The following SIAH3 variants were observed in gnomAD, a reference collection of about 807,000 sequenced individuals.
SIAH3 encodes seven in absentia homolog 3.
SIAH3 carries 9 observed loss-of-function variants against 12.6 expected under a neutral mutation model. That is an observed-to-expected ratio of 0.72 (90% CI 0.43 to 1.25). The LOEUF (loss-of-function observed/expected upper bound fraction) is 1.25. Among genes scored for constraint, SIAH3 ranks in the 50% most tolerant of loss-of-function variants. The pLI is 0.00. For synonymous variants in SIAH3, 154 were observed against 151.1 expected (o/e 1.02, Z -0.14); for missense variants, 390 against 365.4 (o/e 1.07, Z -0.55).
At chr13:45,817,805 C>T (rs1024901425) in intron 1 of SIAH3, among the ~76,000 whole-genome samples, 10 of 152,214 alleles carry the variant, frequency 6.6e-5, no homozygotes, top group African/African-American at 2.2e-4. Context: ...TCCCAAGAGG[C>T]AGGCAACATT....
At chr13:45,787,635 A>C (rs967470214) in intron 1 of SIAH3, among the ~76,000 whole-genome samples, 1 of 152,228 alleles carries the variant, frequency 6.6e-6, no homozygotes, top group Non-Finnish European at 1.5e-5. Flanking sequence ...ATGGATGTTC[A>C]AGAAGTGACA....
At chr13:45,823,995 T>C (rs1950664992) in intron 1 of SIAH3, among the ~76,000 whole-genome samples, 1 of 152,232 alleles carries the variant, frequency 6.6e-6, no homozygotes, top group Non-Finnish European at 1.5e-5. Context: ...TGAGTGATGT[T>C]GAGGTTTGGG....
chr13:45,804,259 T>G (rs1950591593), intron 1 of SIAH3, among the ~76,000 whole-genome samples: 1 of 152,132 alleles, frequency 6.6e-6, no homozygotes, highest in Non-Finnish European at 1.5e-5. Flanking sequence ...ATATTGTTAT[T>G]ACTACATGCT....
intron 1 of SIAH3, among the ~76,000 whole-genome samples, chr13:45,801,666 T>C (rs1302804332): frequency 2.6e-5 from 4 of 152,218 alleles, no homozygotes; most frequent in African/African-American, 9.6e-5. Flanking sequence ...CGTGTTACAT[T>C]ATTCCTATGC....
chr13:45,842,088 G>C (rs562378241), intron 1 of SIAH3, among the ~76,000 whole-genome samples: 1 of 152,130 alleles, frequency 6.6e-6, no homozygotes, highest in Non-Finnish European at 1.5e-5. Flanking sequence ...CATTATTCTG[G>C]CTCTCAGCTT....
chr13:45,801,968 GTGA>G (rs1341337500), intron 1 of SIAH3, among the ~76,000 whole-genome samples: 4 of 152,316 alleles, frequency 2.6e-5, no homozygotes, highest in South Asian at 2.1e-4. Context: ...TTTGGAAACT[GTGA>G]TATTACACAG....
At chr13:45,825,126 A>G (rs1950669469) in intron 1 of SIAH3, among the ~76,000 whole-genome samples, 1 of 152,174 alleles carries the variant, frequency 6.6e-6, no homozygotes, top group Admixed American at 6.5e-5. Flanking sequence ...AAGCTGGGGG[A>G]AATAAATAAG....
intron 1 of SIAH3, among the ~76,000 whole-genome samples, chr13:45,845,845 A>G (rs1950757589): frequency 6.6e-6 from 1 of 152,118 alleles, no homozygotes; most frequent in South Asian, 2.1e-4. Context: ...ATGATGACTT[A>G]GAAGCTCTAA....
Position 45,778,000 on chromosome 13 carries a change from G to A in SIAH3, c.*5383C>T, listed in dbSNP as rs1480688015. On this transcript the variant is annotated 3_prime_UTR_variant, in exon 2 of 2. Transcript: ENST00000400405. ...TTAGAAAGAGTATTGGTCTGGGTAGGCTATGGATTGTGAACAGGGTCCTTA... is the reference window on the plus strand; with the variant it reads ...TTAGAAAGAGTATTGGTCTGGGTAGACTATGGATTGTGAACAGGGTCCTTA... 3 of 152,324 alleles carry A rather than the reference G, an allele frequency of 2.0e-5. No homozygotes were observed. Among genetic ancestry groups the A allele is most frequent in the Non-Finnish European group, 4.4e-5 (3 of 68,038 alleles). The allele number at this position is 152,324 out of a possible 1,614,324, so 9.4% of individuals were successfully genotyped here.
chr13:45,840,256 CA>C lies in SIAH3; in HGVS notation c.135+11238del, dbSNP rs1359442931. ...CTGGGTGACAGAGGGAAACTCTGGC[CA>C]AAAAAAAACCCACGAGAAACCACAA... On this transcript the variant is annotated intron_variant, in intron 1 of 1. Transcript: ENST00000400405. Among the ~76,000 whole-genome samples, 98 of 150,216 alleles carry C rather than the reference CA, an allele frequency of 6.5e-4. 3 individuals carry two copies. The highest frequency in any genetic ancestry group is 3.4e-3 in the Middle Eastern group (1 of 294).
intron 1 of SIAH3, among the ~76,000 whole-genome samples, chr13:45,784,413 T>G (rs1301666154): frequency 1.4e-5 from 2 of 145,272 alleles, no homozygotes; most frequent in Admixed American, 6.7e-5. Flanking sequence ...TTTTTTTTTT[T>G]TTTTTTTTGC....
chr13:45,794,386 C>T (rs769997116), intron 1 of SIAH3, among the ~76,000 whole-genome samples: 2 of 152,100 alleles, frequency 1.3e-5, no homozygotes, highest in Non-Finnish European at 2.9e-5. Flanking sequence ...GTGCTTAGTC[C>T]AGAGCAAGAA....
intron 1 of SIAH3, among the ~76,000 whole-genome samples, chr13:45,805,010 A>ACACAC (rs1555257627): frequency 6.0e-5 from 8 of 133,962 alleles, no homozygotes; most frequent in African/African-American, 1.1e-4. Context: ...ACACACACAC[A>ACACAC]AAATACTTTG....
At chr13:45,828,817 G>A (rs1044383188) in intron 1 of SIAH3, among the ~76,000 whole-genome samples, 2 of 152,202 alleles carry the variant, frequency 1.3e-5, no homozygotes, top group Non-Finnish European at 2.9e-5. Flanking sequence ...GGGGAAACCT[G>A]CTTACCATGC....
chr13:45,828,537 T>C (rs900781271), intron 1 of SIAH3, among the ~76,000 whole-genome samples: 1 of 152,220 alleles, frequency 6.6e-6, no homozygotes, highest in African/African-American at 2.4e-5. Flanking sequence ...TAATTCACTA[T>C]TTTGCGAGAC....
At chr13:45,784,569 G>GGCACCCTTCTCCT (rs1950520530) in intron 1 of SIAH3, among the ~76,000 whole-genome samples, 1 of 151,610 alleles carries the variant, frequency 6.6e-6, no homozygotes, top group Non-Finnish European at 1.5e-5. Flanking sequence ...TCCTGTCTTG[G>GGCACCCTTCTCCT]GCGCCCTTCT....
At position 45,851,523 on chromosome 13, in the gene SIAH3, C is replaced by T; in HGVS notation, c.107G>A (p.Cys36Tyr). 4 of 1,614,156 alleles carry T rather than the reference C, an allele frequency of 2.5e-6. No individual in the cohort carries two copies. The highest frequency in any genetic ancestry group is 3.4e-6 in the Non-Finnish European group (4 of 1,180,040). The change falls in exon 1 of 2, where the codon TGT becomes TAT. Residue 36 changes from cysteine (C) to tyrosine (Y), a missense_variant. Physicochemically the swap from Cys to Tyr is radical, Grantham distance 194. Transcript: ENST00000400405. The part of the protein sequence containing the change: ...RVFSAAGQLV[C>Y]VVNPTHNLKY... ...TAGGTTGTGTGTGGGGTTGACGACA[C>T]AGACAAGTTGCCCGGCAGCGGAGAA...
intron 1 of SIAH3, among the ~76,000 whole-genome samples, chr13:45,840,194 A>G (rs73472593): frequency 0.27 from 40,219 of 151,368 alleles, 7,921 homozygotes; most frequent in East Asian, 0.72. Flanking sequence ...GGAGGCAGAG[A>G]TTGCAGTGAG....
rs150427259 is a variant in SIAH3 at position 45,814,826 on chromosome 13, G to A, written c.136-30769C>T. On this transcript the variant is annotated intron_variant, in intron 1 of 1. Transcript: ENST00000400405. ...CAACCTCTGCCTTCCGGGCTCAAGCGATTCTCCAGCCTCGGCCTCCAGAGT... is the reference window on the plus strand; with the variant it reads ...CAACCTCTGCCTTCCGGGCTCAAGCAATTCTCCAGCCTCGGCCTCCAGAGT... Among the ~76,000 whole-genome samples the A allele has an allele frequency of 1.8e-3, 267 of 151,910 alleles. 1 individual carries two copies. Among genetic ancestry groups the A allele is most frequent in the African/African-American group, 6.2e-3 (256 of 41,262 alleles).
Sources: allele counts gnomAD v4.1 joint callset (sites outside exome capture counted in the v4.1 genomes callset), GRCh38; gene constraint gnomAD v4.1.1; transcripts MANE v1.5; gene names NCBI Gene and HGNC (gene_info 2026-07-23, HGNC 2026-07-21).